Variants in COL10A1 observed in about 807,000 individuals in gnomAD.
COL10A1 encodes the protein collagen alpha-1(X) chain.
Under a neutral mutation model 18.2 loss-of-function variants are expected in COL10A1, and 10 were observed. The ratio of observed to expected loss-of-function variants is 0.55; its 90% CI spans 0.34 to 0.93. COL10A1 has a LOEUF of 0.93. COL10A1 is among the 40% of genes least tolerant of loss of function. The pLI is 0.02. For synonymous variants in COL10A1, 330 were observed against 316.6 expected (o/e 1.04, Z -0.45); for missense variants, 897 against 853.5 (o/e 1.05, Z -0.64).
the COL10A1 span, among the ~76,000 whole-genome samples, chr6:116,170,493 G>A: frequency 6.6e-6 from 1 of 152,068 alleles, no homozygotes; most frequent in East Asian, 1.9e-4. Context: ...CCTGTTTAAG[G>A]GCTTTTGTGG....
chr6:116,186,919 A>AT, the COL10A1 span, among the ~76,000 whole-genome samples: 1 of 152,016 alleles, frequency 6.6e-6, no homozygotes, highest in South Asian at 2.1e-4. Flanking sequence ...AGCTAGTGTT[A>AT]TCTTTTGGGG....
the COL10A1 span, among the ~76,000 whole-genome samples, chr6:116,216,915 A>G: frequency 6.6e-6 from 1 of 152,254 alleles, no homozygotes; most frequent in Middle Eastern, 3.4e-3. Flanking sequence ...TAACTTGTAA[A>G]GGTTGTAAAT....
chr6:116,214,634 C>T, the COL10A1 span, among the ~76,000 whole-genome samples: 2 of 152,034 alleles, frequency 1.3e-5, no homozygotes, highest in East Asian at 3.9e-4. Flanking sequence ...TTTTTGAAAG[C>T]ATTCTGGATA....
At position 116,133,448 on chromosome 6, in the gene COL10A1, C is replaced by T. The variant is rs779799373; in HGVS notation, c.-15-7941G>A. Reference sequence around the variant, plus strand: ...TCGTACTTGAGAACAACTCCACAGTCACCATCTATAGTGTACAAAGTAAAG... The same window carrying T: ...TCGTACTTGAGAACAACTCCACAGTTACCATCTATAGTGTACAAAGTAAAG... On this transcript the variant is annotated intron_variant, in intron 1 of 1. Transcript: ENST00000418500. Among the ~76,000 whole-genome samples the T allele has an allele frequency of 5.3e-5, 8 of 152,176 alleles. No individual in the cohort carries two copies. The South Asian group carries it at 1.7e-3, about 31-fold the overall frequency.
chr6:116,171,913 TGA>T, the COL10A1 span, among the ~76,000 whole-genome samples: 33 of 152,284 alleles, frequency 2.2e-4, no homozygotes, highest in African/African-American at 7.7e-4. Flanking sequence ...AGTCCGAGAG[TGA>T]GAGAGTTTTC....
the COL10A1 span, among the ~76,000 whole-genome samples, chr6:116,179,992 C>A: frequency 6.6e-6 from 1 of 151,938 alleles, no homozygotes; most frequent in African/African-American, 2.4e-5. Flanking sequence ...GCATAAAATA[C>A]CCAGAAGTTT....
At position 116,155,709 on chromosome 6, in the gene COL10A1, T is replaced by A. The variant is rs56868570; in HGVS notation, c.-16+2905A>T. 7.6e-3 allele frequency among the ~76,000 whole-genome samples: 725 copies of A among 95,626 alleles called. 12 individuals carry two copies. Among genetic ancestry groups the A allele is most frequent in the South Asian group, 0.059 (199 of 3,398 alleles). 62.7% of individuals were successfully genotyped at this position (95,626 alleles called of 152,430 possible). On this transcript the variant is annotated intron_variant, in intron 1 of 1. Coordinates refer to the COL10A1 transcript ENST00000418500. ...ATCCATCTAAAGGGCACTGGGTGAATAAACAACACTGCATCTACACAAAGA... is the reference window on the plus strand; with the variant it reads ...ATCCATCTAAAGGGCACTGGGTGAAAAAACAACACTGCATCTACACAAAGA...
At chr6:116,133,348 G>C (rs991211714) in intron 1 of COL10A1, among the ~76,000 whole-genome samples, 1 of 152,156 alleles carries the variant, frequency 6.6e-6, no homozygotes, top group African/African-American at 2.4e-5. Context: ...AGAAATTATA[G>C]CAAATTAAAG....
At chr6:116,188,376 A>G in the COL10A1 span, among the ~76,000 whole-genome samples, 1 of 152,070 alleles carries the variant, frequency 6.6e-6, no homozygotes, top group Non-Finnish European at 1.5e-5. Context: ...GGCATTCACT[A>G]TTACACCAAA....
At chr6:116,197,153 A>G in the COL10A1 span, among the ~76,000 whole-genome samples, 2 of 151,652 alleles carry the variant, frequency 1.3e-5, no homozygotes, top group African/African-American at 2.4e-5. Context: ...CCTCACCTCT[A>G]CTATCTTCTG....
intron 1 of COL10A1, among the ~76,000 whole-genome samples, chr6:116,153,321 A>G (rs1270400858): frequency 1.5e-5 from 2 of 133,996 alleles, no homozygotes; most frequent in African/African-American, 6.2e-5. Context: ...CAGACTGCCC[A>G]TAAACATCAG....
chr6:116,170,084 T>C, the COL10A1 span, among the ~76,000 whole-genome samples: 11 of 152,184 alleles, frequency 7.2e-5, no homozygotes, highest in Non-Finnish European at 1.0e-4. Flanking sequence ...ATCCCTCTTT[T>C]CTTCAGTAGG....
upstream of COL10A1, among the ~76,000 whole-genome samples, chr6:116,126,671 C>G: frequency 6.6e-6 from 1 of 152,134 alleles, no homozygotes; most frequent in East Asian, 1.9e-4. Flanking sequence ...CCCTTATTCA[C>G]AACACTACGC....
the COL10A1 span, among the ~76,000 whole-genome samples, chr6:116,200,978 T>C: frequency 1.3e-5 from 2 of 152,158 alleles, no homozygotes; most frequent in African/African-American, 4.8e-5. Flanking sequence ...TTAGTTTCTT[T>C]GTTCTCAAGA....
chr6:116,149,676 A>G (rs140441617), intron 1 of COL10A1, among the ~76,000 whole-genome samples: 4 of 152,320 alleles, frequency 2.6e-5, no homozygotes, highest in Admixed American at 6.5e-5. Context: ...TAAAAAGGCA[A>G]TATTTGAACT....
Position 116,121,960 on chromosome 6 carries a change from A to G in COL10A1, c.156T>C (p.Gly52=), listed in dbSNP as rs1417286611. 6.2e-7 allele frequency: 1 copy of G among 1,611,348 alleles called. No individual in the cohort carries two copies. The highest frequency in any genetic ancestry group is 1.7e-4 in the Middle Eastern group (1 of 6,044). The change falls in exon 3 of 3, where the codon GGT becomes GGC. Residue 52 remains glycine, a splice_region_variant and synonymous_variant. Coordinates refer to ENST00000651968, the MANE Select transcript of COL10A1 (RefSeq NM_000493.4). Reference sequence around the variant, plus strand: ...TACCTTGCTCTCCTCTTACTGCTATACCTAAAAGACACACCCAACACACCC... The same window carrying G: ...TACCTTGCTCTCCTCTTACTGCTATGCCTAAAAGACACACCCAACACACCC... ...FFIPYTIKSK[G]IAVRGEQGTP... is the part of the protein sequence containing the mutation.
chr6:116,148,299 A>G (rs1311947178), intron 1 of COL10A1, among the ~76,000 whole-genome samples: 2 of 152,222 alleles, frequency 1.3e-5, no homozygotes, highest in Non-Finnish European at 2.9e-5. Flanking sequence ...TATCTATTCC[A>G]AAACACATCA....
At chr6:116,144,982 A>G (rs970401764) in intron 1 of COL10A1, among the ~76,000 whole-genome samples, 10 of 152,214 alleles carry the variant, frequency 6.6e-5, no homozygotes, top group African/African-American at 2.4e-4. Flanking sequence ...CTGAGGGAAA[A>G]GGGTTCAATT....
At chr6:116,215,929 A>G in the COL10A1 span, among the ~76,000 whole-genome samples, 3 of 152,144 alleles carry the variant, frequency 2.0e-5, no homozygotes, top group Admixed American at 1.3e-4. Flanking sequence ...CTTTGGAGAG[A>G]TAAAGGAGTC....
Sources: gnomAD v4.1 joint callset for allele counts (sites outside exome capture counted in the v4.1 genomes callset) on GRCh38, gnomAD v4.1.1 for gene constraint, MANE v1.5 for transcripts, NCBI Gene and HGNC (gene_info 2026-07-23, HGNC 2026-07-21) for gene names.